Variants in SCD5 observed in about 807,000 individuals in gnomAD.
SCD5 encodes stearoyl-CoA desaturase 5.
In SCD5, 20 loss-of-function variants were observed where a neutral mutation model predicts 30.4. That is an observed-to-expected ratio of 0.66 (90% CI 0.46 to 0.96). SCD5 has a LOEUF of 0.96. Ranked by LOEUF, SCD5 falls within the 40% of genes least tolerant of loss-of-function variation. The pLI, the probability that SCD5 is intolerant of heterozygous loss-of-function variation, is 0.00. For synonymous variants in SCD5, 173 were observed against 176.4 expected (o/e 0.98, Z 0.16); for missense variants, 381 against 443.3 (o/e 0.86, Z 1.26).
intron 2 of SCD5, among the ~76,000 whole-genome samples, chr4:82,703,062 T>C (rs1485824056): frequency 1.3e-5 from 2 of 152,174 alleles, no homozygotes; most frequent in Non-Finnish European, 2.9e-5. Flanking sequence ...GATTCTAATA[T>C]CCTACTAGAC....
intron 1 of SCD5, among the ~76,000 whole-genome samples, chr4:82,741,453 A>G (rs1456881597): frequency 2.6e-5 from 4 of 152,164 alleles, no homozygotes; most frequent in African/African-American, 9.7e-5. Flanking sequence ...CAAGGCGCCC[A>G]ACCAACAGTC....
At chr4:82,647,322 G>C (rs2148813871) in intron 3 of SCD5, among the ~76,000 whole-genome samples, 1 of 117,664 alleles carries the variant, frequency 8.5e-6, no homozygotes, top group East Asian at 2.6e-4. Context: ...CCCCATTCAA[G>C]GGAGCAAGTT....
intron 2 of SCD5, among the ~76,000 whole-genome samples, chr4:82,689,088 T>G (rs1393242205): frequency 6.6e-6 from 1 of 152,166 alleles, no homozygotes; most frequent in South Asian, 2.1e-4. Context: ...GATAACCCAA[T>G]AGCAATGAAC....
At chr4:82,761,360 C>T (rs928720873) in intron 1 of SCD5, among the ~76,000 whole-genome samples, 1 of 152,188 alleles carries the variant, frequency 6.6e-6, no homozygotes, top group Non-Finnish European at 1.5e-5. Flanking sequence ...GGGTCCTCTT[C>T]CTCCACTAAC....
At chr4:82,665,143 G>A (rs1309656099) in intron 3 of SCD5, among the ~76,000 whole-genome samples, 2 of 146,278 alleles carry the variant, frequency 1.4e-5, no homozygotes, top group Non-Finnish European at 3.0e-5. Flanking sequence ...GCTGAGGCAG[G>A]AGGATCATTT....
intron 1 of SCD5, among the ~76,000 whole-genome samples, chr4:82,762,361 T>C (rs1721392769): frequency 6.6e-6 from 1 of 151,986 alleles, no homozygotes; most frequent in Non-Finnish European, 1.5e-5. Context: ...CAAGCGATTC[T>C]CCTGCCTCAG....
At chr4:82,759,646 C>CT (rs143321359) in intron 1 of SCD5, among the ~76,000 whole-genome samples, 7,378 of 100,164 alleles carry the variant, frequency 0.074, 279 homozygotes, top group Middle Eastern at 0.12. Context: ...AGAACCCCGT[C>CT]TTAAAAAAAA....
intron 1 of SCD5, among the ~76,000 whole-genome samples, chr4:82,745,354 G>A (rs1418912545): frequency 1.3e-5 from 2 of 152,222 alleles, no homozygotes. Context: ...CCTGCAGGCA[G>A]ACCTCAGCGG....
At position 82,733,618 on chromosome 4, in the gene SCD5, G is replaced by A. The variant is rs138186029; in HGVS notation, c.233-28205C>T. Among the ~76,000 whole-genome samples the A allele has an allele frequency of 5.5e-3, 843 of 152,290 alleles. 6 individuals carry two copies. Among genetic ancestry groups the A allele is most frequent in the African/African-American group, 0.019 (784 of 41,550 alleles). The stretch of plus-strand genomic sequence containing the variant: ...AAAAAGAAAAATATGGGAAAGAGAA[G>A]AGAGGGAAGAAAGAATTTGGAAACA... On this transcript the variant is annotated intron_variant, in intron 1 of 4. Coordinates refer to ENST00000319540, the MANE Select transcript of SCD5 (RefSeq NM_001037582.3).
rs11734831 is a variant in SCD5, at chr4:82,786,114, A to G, written c.232+12192T>C. 9.8e-3 allele frequency among the ~76,000 whole-genome samples: 1,494 copies of G among 152,310 alleles called. 15 individuals carry two copies. Among genetic ancestry groups the G allele is most frequent in the Non-Finnish European group, 0.015 (1,009 of 68,024 alleles). ...TATCTACCCCTGCCTAAAGAATAGT[A>G]AGTTGGTTAGGGTACTGGGGGAAAT... On this transcript the variant is annotated intron_variant, in intron 1 of 4. Coordinates refer to ENST00000319540, the MANE Select transcript of SCD5 (RefSeq NM_001037582.3).
At chr4:82,638,819 A>G (rs1250726962) in intron 3 of SCD5, among the ~76,000 whole-genome samples, 3 of 152,238 alleles carry the variant, frequency 2.0e-5, no homozygotes, top group African/African-American at 7.2e-5. Context: ...ACTAACAGCT[A>G]AGGCACACTA....
At chr4:82,643,635 T>C (rs561644507) in intron 3 of SCD5, among the ~76,000 whole-genome samples, 3 of 152,318 alleles carry the variant, frequency 2.0e-5, no homozygotes, top group African/African-American at 7.2e-5. Context: ...TTCTGTATAG[T>C]GGTGATGGTT....
chr4:82,768,505 G>C (rs1367243702), intron 1 of SCD5, among the ~76,000 whole-genome samples: 1 of 152,206 alleles, frequency 6.6e-6, no homozygotes, highest in African/African-American at 2.4e-5. Flanking sequence ...TTAGTGAAGG[G>C]CAGAGGTAAG....
intron 2 of SCD5, among the ~76,000 whole-genome samples, chr4:82,686,881 T>C (rs1728719007): frequency 6.6e-6 from 1 of 152,136 alleles, no homozygotes. Flanking sequence ...AAAAGAAAAG[T>C]ACTTCTTCGC....
intron 3 of SCD5, among the ~76,000 whole-genome samples, chr4:82,653,164 G>C (rs1727791914): frequency 6.6e-6 from 1 of 152,124 alleles, no homozygotes; most frequent in Admixed American, 6.6e-5. Flanking sequence ...CAGAAAAAGA[G>C]AAAGACCTCA....
chr4:82,665,027 T>TATATAATAC (rs1560527961), intron 3 of SCD5, among the ~76,000 whole-genome samples: 1 of 32,800 alleles, frequency 3.0e-5, no homozygotes, highest in Non-Finnish European at 6.5e-5. Flanking sequence ...ATATGTATAA[T>TATATAATAC]ACACACACAC....
At chr4:82,717,466 A>G (rs552847395) in intron 1 of SCD5, among the ~76,000 whole-genome samples, 2 of 151,972 alleles carry the variant, frequency 1.3e-5, no homozygotes, top group African/African-American at 4.9e-5. Flanking sequence ...CTATGGACCC[A>G]CTGAATTTCC....
chr4:82,656,974 T>C (rs887285254), intron 3 of SCD5, among the ~76,000 whole-genome samples: 3 of 152,210 alleles, frequency 2.0e-5, no homozygotes, highest in African/African-American at 7.2e-5. Flanking sequence ...TTTGTTTAAG[T>C]TCTTTGTAGA....
At chr4:82,654,184 A>C (rs1449287551) in intron 3 of SCD5, among the ~76,000 whole-genome samples, 1 of 152,088 alleles carries the variant, frequency 6.6e-6, no homozygotes, top group Non-Finnish European at 1.5e-5. Flanking sequence ...CCCAAAGTGA[A>C]TGAGCATGTT....
Sources: allele counts gnomAD v4.1 joint callset (sites outside exome capture counted in the v4.1 genomes callset), GRCh38; gene constraint gnomAD v4.1.1; transcripts MANE v1.5; gene names NCBI Gene and HGNC (gene_info 2026-07-23, HGNC 2026-07-21).